The following TTC7B variants were observed in gnomAD, a reference collection of about 807,000 sequenced individuals.
TTC7B encodes the protein tetratricopeptide repeat protein 7B.
TTC7B carries 28 observed loss-of-function variants against 106.8 expected under a neutral mutation model. The ratio of observed to expected loss-of-function variants is 0.26; its 90% CI spans 0.19 to 0.36. The LOEUF (loss-of-function observed/expected upper bound fraction) is 0.36, where lower values mean the gene tolerates loss of function less well. Among genes scored for constraint, TTC7B ranks in the 10% least tolerant of loss-of-function variants. TTC7B has a pLI of 1.00. For synonymous variants in TTC7B, 405 were observed against 430.6 expected (o/e 0.94, Z 0.74); for missense variants, 862 against 1,076.4 (o/e 0.80, Z 2.79).
At chr14:90,644,374 T>C (rs1885342971) in intron 14 of TTC7B, among the ~76,000 whole-genome samples, 166 bp from the exon 15 acceptor site, 1 of 152,186 alleles carries the variant, frequency 6.6e-6, no homozygotes, top group Admixed American at 6.5e-5. Flanking sequence ...CAAATCTTTA[T>C]GGCAGCCCCA....
At chr14:90,582,999 G>A (rs530879677) in intron 18 of TTC7B, among the ~76,000 whole-genome samples, 2 of 152,310 alleles carry the variant, frequency 1.3e-5, no homozygotes, top group South Asian at 4.1e-4. Flanking sequence ...GGGCCTCTAG[G>A]ACAGAACGAG....
At chr14:90,551,300 T>C (rs1294581) in intron 19 of TTC7B, among the ~76,000 whole-genome samples, 62,925 of 151,850 alleles carry the variant, frequency 0.41, 13,871 homozygotes, top group South Asian at 0.51. Context: ...GATTACAGTG[T>C]TCCAACTCTG....
chr14:90,689,496 C>A, intron 7 of TTC7B, 44 bp downstream of exon 7: 1 of 1,541,292 alleles, frequency 6.5e-7, no homozygotes, highest in South Asian at 1.2e-5. Context: ...CCCAAGTTTT[C>A]CTCCCAACCC....
At chr14:90,782,731 G>A (rs9788531) in intron 2 of TTC7B, among the ~76,000 whole-genome samples, 12,407 of 152,150 alleles carry the variant, frequency 0.082, 545 homozygotes, top group East Asian at 0.16. Flanking sequence ...TCTAAGAACC[G>A]TTGGATTAAA....
At chr14:90,736,584 G>C (rs933191594) in intron 4 of TTC7B, among the ~76,000 whole-genome samples, 2 of 151,354 alleles carry the variant, frequency 1.3e-5, no homozygotes, top group Non-Finnish European at 2.9e-5. Context: ...AAAAAAAAGG[G>C]GGGGTGGGTA....
chr14:90,745,790 C>T (rs574840997), intron 3 of TTC7B, among the ~76,000 whole-genome samples: 7 of 151,568 alleles, frequency 4.6e-5, no homozygotes, highest in African/African-American at 1.5e-4. Context: ...CTGCAATGTC[C>T]ACCTCCTGAG....
chr14:90,621,775 C>T (rs908620371), intron 15 of TTC7B, among the ~76,000 whole-genome samples: 2 of 152,172 alleles, frequency 1.3e-5, no homozygotes, highest in African/African-American at 4.8e-5. Flanking sequence ...TTACAAGATA[C>T]AAAACAATAC....
intron 3 of TTC7B, among the ~76,000 whole-genome samples, chr14:90,755,340 G>A (rs938180593): frequency 6.6e-6 from 1 of 152,120 alleles, no homozygotes; most frequent in Non-Finnish European, 1.5e-5. Context: ...GAACTGCTGG[G>A]TCAAATATTA....
At chr14:90,644,257 G>GCA (rs199817416) in intron 14 of TTC7B, 49 bp from the exon 15 acceptor site, 14,003 of 1,155,738 alleles carry the variant, frequency 0.012, 163 homozygotes, top group African/African-American at 0.087. Context: ...ACATGCACAC[G>GCA]CACACACACA....
chr14:90,814,969 T>C (rs1276155265), intron 1 of TTC7B, among the ~76,000 whole-genome samples: 1 of 152,202 alleles, frequency 6.6e-6, no homozygotes, highest in East Asian at 1.9e-4. Flanking sequence ...CAAGTTCTAA[T>C]TTCCAGGCAC....
chr14:90,667,343 T>C (rs1328844242), intron 9 of TTC7B, among the ~76,000 whole-genome samples: 1 of 152,138 alleles, frequency 6.6e-6, no homozygotes, highest in Non-Finnish European at 1.5e-5. Context: ...GACAACGACA[T>C]AGCAGAAAGG....
In TTC7B at chr14:90,774,107, A is replaced by C. The variant is rs545277272; in HGVS notation, c.445+6631T>G. On this transcript the variant is annotated intron_variant, in intron 3 of 19. Coordinates refer to ENST00000328459, the MANE Select transcript of TTC7B (RefSeq NM_001010854.2). Reference sequence around the variant, plus strand: ...CTAATGGGACCAGCCCCTCTTCACCATGGTCACTGGATCAAGGATGAGAAT... The same window carrying C: ...CTAATGGGACCAGCCCCTCTTCACCCTGGTCACTGGATCAAGGATGAGAAT... Among the ~76,000 whole-genome samples the C allele has an allele frequency of 2.6e-5, 4 of 152,284 alleles. No individual in the cohort carries two copies. In the East Asian group the frequency reaches 7.7e-4, roughly 29 times the overall value.
chr14:90,558,110 G>A (rs1007651566), intron 19 of TTC7B, among the ~76,000 whole-genome samples: 1 of 152,250 alleles, frequency 6.6e-6, no homozygotes, highest in African/African-American at 2.4e-5. Flanking sequence ...CTGTGCTGCA[G>A]CCACGCCTGC....
chr14:90,545,546 T>C (rs928573556), intron 19 of TTC7B, among the ~76,000 whole-genome samples: 2 of 152,198 alleles, frequency 1.3e-5, no homozygotes, highest in Admixed American at 6.5e-5. Context: ...GCCAACCGAC[T>C]GGGCCATTCT....
chr14:90,604,919 C>G (rs1023532788), intron 17 of TTC7B, among the ~76,000 whole-genome samples: 1 of 152,162 alleles, frequency 6.6e-6, no homozygotes, highest in Non-Finnish European at 1.5e-5. Context: ...CATAGTTTCA[C>G]GACACAAACC....
chr14:90,658,162 A>G, intron 10 of TTC7B, 142 bp downstream of exon 10: 1 of 687,498 alleles, frequency 1.5e-6, no homozygotes, highest in Non-Finnish European at 2.5e-6. Context: ...CTGATTGTTC[A>G]CTGAGAACGG....
At chr14:90,586,219 G>A (rs1365868192) in intron 18 of TTC7B, among the ~76,000 whole-genome samples, 2 of 152,194 alleles carry the variant, frequency 1.3e-5, no homozygotes, top group East Asian at 1.9e-4. Context: ...CTTTCCTCCC[G>A]CCTTGCCGAC....
rs947996794 is a variant in TTC7B, at chr14:90,525,560, G to A, written c.*15808C>T. 39 of 151,168 alleles carry A rather than the reference G, an allele frequency of 2.6e-4. 1 individual carries two copies. Among genetic ancestry groups the A allele is most frequent in the African/African-American group, 9.2e-4 (38 of 41,146 alleles). The allele number at this position is 151,168 out of a possible 1,614,324, so 9.4% of individuals were successfully genotyped here. On this transcript the variant is annotated 3_prime_UTR_variant, in exon 20 of 20. Transcript: ENST00000328459. ...TGCGTCTCCGGTCACCGAACGGGAC[G>A]GCGGGATGGCGGGGTCGATCTGTGC...
intron 19 of TTC7B, among the ~76,000 whole-genome samples, chr14:90,547,776 GAC>G (rs1889900626): frequency 6.6e-6 from 1 of 151,824 alleles, no homozygotes; most frequent in Non-Finnish European, 1.5e-5. Flanking sequence ...CATCCTGGGT[GAC>G]AGAGATAAAA....
Sources: allele counts gnomAD v4.1 joint callset (sites outside exome capture counted in the v4.1 genomes callset), GRCh38; gene constraint gnomAD v4.1.1; transcripts MANE v1.5; gene names NCBI Gene and HGNC (gene_info 2026-07-23, HGNC 2026-07-21).